The following ASCC2 variants were observed in gnomAD, a reference collection of about 807,000 sequenced individuals.
ASCC2 encodes the protein activating signal cointegrator 1 complex subunit 2, also known as ASC-1 complex subunit P100.
A neutral mutation model predicts 93.5 loss-of-function variants in ASCC2; 42 were observed. The observed-to-expected ratio is 0.45, with a 90% CI of 0.35 to 0.58. ASCC2 has a LOEUF of 0.58. ASCC2 is among the 20% of genes least tolerant of loss of function. ASCC2 has a pLI of 0.00. For missense variants in ASCC2, 859 were observed against 977.6 expected (o/e 0.88, Z 1.62); for synonymous variants, 364 against 384.2 (o/e 0.95, Z 0.62).
intron 9 of ASCC2, among the ~76,000 whole-genome samples, chr22:29,807,483 G>A (rs1336445264): frequency 6.6e-6 from 1 of 152,060 alleles, no homozygotes; most frequent in East Asian, 1.9e-4. Context: ...AACAGCTGAG[G>A]GAAGGGCTTC....
chr22:29,836,103 T>C (rs1205505832), intron 1 of ASCC2, among the ~76,000 whole-genome samples: 1 of 151,990 alleles, frequency 6.6e-6, no homozygotes, highest in African/African-American at 2.4e-5. Flanking sequence ...GAGGTTGCAA[T>C]GAGCCATGAT....
At chr22:29,833,603 A>C (rs962584485) in intron 1 of ASCC2, 2 of 470,988 alleles carry the variant, frequency 4.2e-6, no homozygotes, top group Non-Finnish European at 8.8e-6. Context: ...TCTTTTCACA[A>C]TATCACTTGG....
intron 18 of ASCC2, among the ~76,000 whole-genome samples, chr22:29,792,039 CT>C (rs1383129199): frequency 1.3e-5 from 2 of 152,216 alleles, no homozygotes; most frequent in African/African-American, 4.8e-5. Flanking sequence ...AGTTTAGCTG[CT>C]AAAAAGTAGA....
intron 15 of ASCC2, chr22:29,799,164 C>G (rs994895801): frequency 2.0e-5 from 3 of 152,260 alleles, no homozygotes; most frequent in Admixed American, 6.5e-5. Context: ...AGGCCATATC[C>G]AGAGATGGCT....
intron 2 of ASCC2, among the ~76,000 whole-genome samples, chr22:29,831,605 T>C (rs1289110740): frequency 6.6e-6 from 1 of 152,320 alleles, no homozygotes; most frequent in East Asian, 1.9e-4. Flanking sequence ...TCCCACCTTG[T>C]TCAAGTGAGC....
At chr22:29,821,822 C>G in intron 5 of ASCC2, 1 of 354,106 alleles carries the variant, frequency 2.8e-6, no homozygotes, top group South Asian at 2.1e-5. Flanking sequence ...TAGTGAGACC[C>G]CATCTACTAA....
chr22:29,795,894 G>A (rs1320263139), intron 15 of ASCC2, among the ~76,000 whole-genome samples: 6 of 151,914 alleles, frequency 3.9e-5, no homozygotes, highest in African/African-American at 9.7e-5. Flanking sequence ...CTGTGAAATC[G>A]GGTCTCTGGA....
intron 1 of ASCC2, among the ~76,000 whole-genome samples, chr22:29,834,881 G>A (rs183819511): frequency 2.6e-5 from 4 of 152,192 alleles, no homozygotes; most frequent in East Asian, 3.9e-4. Flanking sequence ...TAGCCATGCT[G>A]GAAAGTGAGC....
intron 19 of ASCC2, 123 bp from the exon 20 acceptor site, chr22:29,789,307 C>G: frequency 8.5e-7 from 1 of 1,180,382 alleles, no homozygotes; most frequent in Non-Finnish European, 1.2e-6. Flanking sequence ...TCACTCATGT[C>G]CCAACTTCAG....
chr22:29,827,305 C>T (rs757817965), intron 2 of ASCC2, among the ~76,000 whole-genome samples: 5 of 152,010 alleles, frequency 3.3e-5, no homozygotes, highest in Non-Finnish European at 5.9e-5. Flanking sequence ...GACTACATAA[C>T]GGGTGCTTTC....
chr22:29,797,959 G>A (rs910789870), intron 15 of ASCC2, among the ~76,000 whole-genome samples: 1 of 152,056 alleles, frequency 6.6e-6, no homozygotes, highest in African/African-American at 2.4e-5. Context: ...TAGAGATGGG[G>A]TTTCACCATG....
At chr22:29,798,134 C>T (rs553407610) in intron 15 of ASCC2, among the ~76,000 whole-genome samples, 6 of 152,256 alleles carry the variant, frequency 3.9e-5, no homozygotes, top group South Asian at 2.1e-4. Flanking sequence ...GGGGACCCTG[C>T]CTCTTGCCCA....
At position 29,825,835 on chromosome 22, in the gene ASCC2, A is replaced by G. The variant is rs1368613147; in HGVS notation, c.82-55T>C. Reference sequence around the variant, plus strand: ...GGCAGAGGTTAGTCAGCGAGGGCCCATTTGCCAACCCACAGCAATGACAAC... The same window carrying G: ...GGCAGAGGTTAGTCAGCGAGGGCCCGTTTGCCAACCCACAGCAATGACAAC... On this transcript the variant is annotated intron_variant, in intron 2 of 19. Transcript: ENST00000307790. This position sits in a 1 kb window ranked among gnomAD's most constrained non-coding sequence, Gnocchi z 4.9. 3 of 1,554,282 alleles carry G rather than the reference A, an allele frequency of 1.9e-6. No homozygotes were observed. The highest frequency in any genetic ancestry group is 2.6e-6 in the Non-Finnish European group (3 of 1,147,952).
At position 29,814,672 on chromosome 22, in the gene ASCC2, A is replaced by T; in HGVS notation, c.705T>A (p.Ser235Arg). ...KLEERGRLTPSDMPLLELKDI... is the reference protein window; with the variant it reads ...KLEERGRLTPRDMPLLELKDI... Reference sequence around the variant, plus strand: ...GCAACCTTACCAGGAGAGGCATGTCACTGGGGGTCAATCGGCCCCTCTCCT... The same window carrying T: ...GCAACCTTACCAGGAGAGGCATGTCTCTGGGGGTCAATCGGCCCCTCTCCT... The change falls in exon 7 of 20, where the codon AGT (serine) becomes AGA (arginine). Residue 235 changes from serine (S) to arginine (R), a missense_variant. By Grantham distance (110) the Ser-to-Arg change is moderately radical. Transcript: ENST00000307790. 6.2e-7 allele frequency: 1 copy of T among 1,603,082 alleles called. No individual in the cohort carries two copies. Among genetic ancestry groups the T allele is most frequent in the Middle Eastern group, 1.7e-4 (1 of 6,034 alleles).
chr22:29,813,663 A>T, intron 7 of ASCC2, 121 bp from the exon 8 acceptor site: 7 of 691,898 alleles, frequency 1.0e-5, no homozygotes, highest in Admixed American at 7.7e-5. Context: ...CACAGGAGGA[A>T]AAGAACACTG....
chr22:29,800,490 G>A (rs749670389), intron 15 of ASCC2, among the ~76,000 whole-genome samples: 5 of 152,144 alleles, frequency 3.3e-5, no homozygotes, highest in Non-Finnish European at 5.9e-5. Context: ...AATATTTGTT[G>A]AATAAATGGA....
At chr22:29,813,744 A>C (rs1259548070) in intron 7 of ASCC2, among the ~76,000 whole-genome samples, 2 of 152,120 alleles carry the variant, frequency 1.3e-5, no homozygotes, top group Admixed American at 6.6e-5. Flanking sequence ...AACCTCTCTA[A>C]GCCTCAGGTC....
In ASCC2 at chr22:29,802,192, G is replaced by A. The variant is rs750937631; in HGVS notation, c.1370C>T (p.Ala457Val). Residue 457 changes from alanine to valine, a missense_variant, in exon 14 of 20, where the codon GCG (alanine) becomes GTG (valine). Ala to Val is a moderately conservative substitution (Grantham distance 64). Coordinates refer to ENST00000307790, the MANE Select transcript of ASCC2 (RefSeq NM_032204.5). ...CCCACACATGGCAGGGCCCACAGCC[G>A]CGGCTGCTCCCATGCACTGTAGTGA... is the stretch of plus-strand genomic sequence containing the variant. ...SEEEECMGAAAAVGPAMCGVE... is the reference protein window; with the variant it reads ...SEEEECMGAAVAVGPAMCGVE... 1.1e-5 allele frequency: 17 copies of A among 1,613,966 alleles called. No individual in the cohort carries two copies. The highest frequency in any genetic ancestry group is 2.2e-5 in the South Asian group (2 of 91,082).
In ASCC2 at chr22:29,825,688, G is replaced by A. The variant is rs375243977; in HGVS notation, c.174C>T (p.Arg58=). 14 of 1,614,234 alleles carry A rather than the reference G, an allele frequency of 8.7e-6. No individual in the cohort carries two copies. Among genetic ancestry groups the A allele is most frequent in the Middle Eastern group, 3.3e-4 (2 of 6,062 alleles). ...CGAGGTCATTGGCTACGAAGGTGGC[G>A]CGTTCCAGGTACTCCTCCACTAGGG... The part of the protein sequence containing the change: ...IPALVEEYLE[R]ATFVANDLDW... The change falls in exon 3 of 20, where the codon CGC becomes CGT. Residue 58 remains arginine, a synonymous_variant. Transcript: ENST00000307790. This position sits in a 1 kb window ranked among gnomAD's most constrained non-coding sequence, Gnocchi z 4.9.
Sources: allele counts gnomAD v4.1 joint callset (sites outside exome capture counted in the v4.1 genomes callset), GRCh38; gene constraint gnomAD v4.1.1; non-coding constraint Gnocchi (gnomAD v3.1); transcripts MANE v1.5; gene names NCBI Gene and HGNC (gene_info 2026-07-23, HGNC 2026-07-21).